Variants in KIF16B observed in about 807,000 individuals in gnomAD.
The protein encoded by KIF16B is kinesin-like protein KIF16B.
A neutral mutation model predicts 156.3 loss-of-function variants in KIF16B; 98 were observed. The ratio of observed to expected loss-of-function variants is 0.63; its 90% CI spans 0.53 to 0.74. The LOEUF (loss-of-function observed/expected upper bound fraction) is 0.74. Ranked by LOEUF, KIF16B falls within the 30% of genes least tolerant of loss-of-function variation. The probability of loss-of-function intolerance (pLI) is 0.00; values close to 1 mark genes in which losing one functional copy is unlikely to be tolerated. For missense variants in KIF16B, 1,421 were observed against 1,606.5 expected (o/e 0.88, Z 1.97); for synonymous variants, 564 against 583.7 (o/e 0.97, Z 0.49).
In KIF16B at chr20:16,530,606, G is replaced by A. The variant is rs139714390; in HGVS notation, c.48-2166C>T. On this transcript the variant is annotated intron_variant, in intron 1 of 25. Transcript: ENST00000354981. ...AGCCGTCTGGCACCCTGACTGCAGC[G>A]CTAGGGGAGAGCCGGAGTCAGAGGA... Among the ~76,000 whole-genome samples the A allele has an allele frequency of 5.4e-4, 82 of 152,304 alleles. 1 individual carries two copies. Among genetic ancestry groups the A allele is most frequent in the Non-Finnish European group, 1.0e-3 (70 of 68,026 alleles).
chr20:16,291,887 C>A (rs2063320033), intron 25 of KIF16B, among the ~76,000 whole-genome samples: 1 of 152,152 alleles, frequency 6.6e-6, no homozygotes, highest in African/African-American at 2.4e-5. Context: ...ATATTAAGGG[C>A]AGAAGCAGAC....
At chr20:16,406,646 T>A (rs1275126094) in intron 15 of KIF16B, among the ~76,000 whole-genome samples, 190 bp from the exon 16 acceptor site, 1 of 152,166 alleles carries the variant, frequency 6.6e-6, no homozygotes, top group Non-Finnish European at 1.5e-5. Context: ...TTTTTACAGC[T>A]GAGTGTCACA....
At chr20:16,326,838 A>G (rs760470189) in intron 24 of KIF16B, among the ~76,000 whole-genome samples, 1 of 151,952 alleles carries the variant, frequency 6.6e-6, no homozygotes, top group Non-Finnish European at 1.5e-5. Context: ...GACCCAGAGG[A>G]AAAGAAGTCA....
At chr20:16,441,278 C>T (rs570824631) in intron 12 of KIF16B, among the ~76,000 whole-genome samples, 4 of 152,276 alleles carry the variant, frequency 2.6e-5, no homozygotes, top group East Asian at 1.9e-4. Flanking sequence ...TTCTCACCCA[C>T]GGAAATACGT....
chr20:16,336,157 A>G, intron 23 of KIF16B, 142 bp from the exon 24 acceptor site: 1 of 599,688 alleles, frequency 1.7e-6, no homozygotes, highest in Non-Finnish European at 2.9e-6. Context: ...ATCTAGCTGC[A>G]TAAATACAAC....
At chr20:16,539,728 G>GT (rs1360835137) in intron 1 of KIF16B, among the ~76,000 whole-genome samples, 1 of 152,186 alleles carries the variant, frequency 6.6e-6, no homozygotes, top group Non-Finnish European at 1.5e-5. Context: ...CCAGTCTCAG[G>GT]TATTTCTTTA....
At chr20:16,365,427 T>TG (rs2064642737) in intron 22 of KIF16B, among the ~76,000 whole-genome samples, 1 of 152,068 alleles carries the variant, frequency 6.6e-6, no homozygotes, top group Non-Finnish European at 1.5e-5. Flanking sequence ...TATTTATGTG[T>TG]GGGGGTAGGG....
At chr20:16,496,129 C>T (rs987108297) in intron 11 of KIF16B, among the ~76,000 whole-genome samples, 16 of 152,184 alleles carry the variant, frequency 1.1e-4, no homozygotes, top group African/African-American at 3.4e-4. Context: ...ACTCTCCTGG[C>T]TTTTTGTTTT....
At chr20:16,339,104 G>A (rs1479032826) in intron 23 of KIF16B, among the ~76,000 whole-genome samples, 1 of 152,162 alleles carries the variant, frequency 6.6e-6, no homozygotes, top group Non-Finnish European at 1.5e-5. Flanking sequence ...CAGAAAGGAG[G>A]CTGTGTTGGT....
chr20:16,528,268 G>C, intron 2 of KIF16B, 103 bp downstream of exon 2: 1 of 845,428 alleles, frequency 1.2e-6, no homozygotes, highest in East Asian at 2.5e-5. Context: ...CTGGAAAGGA[G>C]GGTGTGGAAA....
At chr20:16,497,758 C>T in intron 10 of KIF16B, 80 bp from the exon 11 acceptor site, 1 of 1,072,282 alleles carries the variant, frequency 9.3e-7, no homozygotes. Flanking sequence ...AGTAAATTAT[C>T]CAAAATTTCA....
At chr20:16,282,862 C>A (rs2063167502) in intron 25 of KIF16B, among the ~76,000 whole-genome samples, 1 of 152,214 alleles carries the variant, frequency 6.6e-6, no homozygotes, top group South Asian at 2.1e-4. Flanking sequence ...CAGGAAGTCT[C>A]TTCCAGCTGC....
At chr20:16,437,497 G>A (rs2066673077) in intron 12 of KIF16B, among the ~76,000 whole-genome samples, 1 of 152,172 alleles carries the variant, frequency 6.6e-6, no homozygotes, top group South Asian at 2.1e-4. Flanking sequence ...GAGTAAAAAG[G>A]GGGATGGGAT....
At chr20:16,554,712 C>A (rs897324534) in intron 1 of KIF16B, among the ~76,000 whole-genome samples, 9 of 152,206 alleles carry the variant, frequency 5.9e-5, no homozygotes, top group African/African-American at 1.9e-4. Flanking sequence ...TCTAGGGAGC[C>A]CAGGCCTAGG....
chr20:16,511,665 G>A (rs1236212812), intron 5 of KIF16B, 138 bp from the exon 6 acceptor site: 4 of 575,248 alleles, frequency 7.0e-6, no homozygotes, highest in African/African-American at 3.7e-5. Context: ...CTGTGTATCA[G>A]GTACAATGAG....
intron 10 of KIF16B, among the ~76,000 whole-genome samples, chr20:16,502,375 T>C (rs1400332325): frequency 6.6e-6 from 1 of 152,204 alleles, no homozygotes; most frequent in Non-Finnish European, 1.5e-5. Flanking sequence ...TTCATAAATT[T>C]AATTAATTTA....
chr20:16,538,739 C>T (rs1383354125), intron 1 of KIF16B, among the ~76,000 whole-genome samples: 2 of 152,186 alleles, frequency 1.3e-5, no homozygotes, highest in Admixed American at 1.3e-4. Context: ...TTTGTCCCCA[C>T]ACAAATCTCA....
intron 24 of KIF16B, among the ~76,000 whole-genome samples, chr20:16,314,612 T>C (rs190631697): frequency 8.5e-4 from 129 of 152,364 alleles, no homozygotes; most frequent in Non-Finnish European, 1.4e-3. Flanking sequence ...TACGTTTCTC[T>C]GAGCCCGAGT....
At chr20:16,322,990 A>T (rs762642701) in intron 24 of KIF16B, among the ~76,000 whole-genome samples, 15 of 152,062 alleles carry the variant, frequency 9.9e-5, no homozygotes, top group Non-Finnish European at 2.2e-4. Context: ...GGTAATAAAA[A>T]GCCTTGCCTA....
Sources: allele counts gnomAD v4.1 joint callset (sites outside exome capture counted in the v4.1 genomes callset), GRCh38; gene constraint gnomAD v4.1.1; transcripts MANE v1.5; gene names NCBI Gene and HGNC (gene_info 2026-07-23, HGNC 2026-07-21).